CALN1: variants seen among roughly 807,000 people sequenced by gnomAD.
CALN1 encodes calneuron 1, also known as calcium-binding protein 8.
A neutral mutation model predicts 30.6 loss-of-function variants in CALN1; 17 were observed. The ratio of observed to expected loss-of-function variants is 0.56; its 90% CI spans 0.38 to 0.83. The LOEUF (loss-of-function observed/expected upper bound fraction) is 0.83. CALN1 is among the 40% of genes least tolerant of loss of function. The pLI is 0.00. For missense variants in CALN1, 291 were observed against 354.9 expected, an observed-to-expected ratio of 0.82 and a Z score of 1.45; for synonymous variants, 156 against 131.4, an observed-to-expected ratio of 1.19 and a Z score of -1.28.
intron 5 of CALN1, among the ~76,000 whole-genome samples, chr7:71,865,231 ACATTAC>A (rs1791519498): frequency 6.6e-6 from 1 of 152,066 alleles, no homozygotes; most frequent in East Asian, 1.9e-4. Flanking sequence ...TCATGGTTTA[ACATTAC>A]CCCCTTGGTG....
At chr7:72,301,181 A>G (rs914583067) in intron 2 of CALN1, among the ~76,000 whole-genome samples, 1 of 152,140 alleles carries the variant, frequency 6.6e-6, no homozygotes, top group African/African-American at 2.4e-5. Context: ...AAGCGCTGAG[A>G]GCACACAGAG....
chr7:72,370,605 C>T (rs565550739), intron 2 of CALN1, among the ~76,000 whole-genome samples: 51 of 149,264 alleles, frequency 3.4e-4, no homozygotes, highest in African/African-American at 1.2e-3. Context: ...AAGGGTGAGC[C>T]GAGATCACGC....
intron 3 of CALN1, among the ~76,000 whole-genome samples, chr7:72,178,165 C>T (rs563936687): frequency 2.0e-5 from 3 of 152,204 alleles, no homozygotes; most frequent in South Asian, 4.1e-4. Flanking sequence ...ATGTGTATTG[C>T]ATAAAGGAAT....
chr7:72,458,272 T>C, the CALN1 span, among the ~76,000 whole-genome samples: 1 of 66,410 alleles, frequency 1.5e-5, no homozygotes. Flanking sequence ...TATTCTATAT[T>C]ATATAATATA....
chr7:72,229,046 TGGG>T (rs1793893795), intron 3 of CALN1, among the ~76,000 whole-genome samples: 1 of 151,428 alleles, frequency 6.6e-6, no homozygotes, highest in African/African-American at 2.4e-5. Context: ...ATTACAGGTA[TGGG>T]CCACCACACC....
intron 5 of CALN1, among the ~76,000 whole-genome samples, chr7:71,922,624 T>C (rs1795013801): frequency 1.4e-5 from 2 of 138,238 alleles, no homozygotes; most frequent in Admixed American, 1.5e-4. Flanking sequence ...GAATATATTA[T>C]ATATAAATAT....
intron 3 of CALN1, among the ~76,000 whole-genome samples, chr7:72,214,571 T>C (rs545355009): frequency 2.6e-5 from 4 of 152,172 alleles, no homozygotes; most frequent in African/African-American, 9.6e-5. Flanking sequence ...TGAGCTATGA[T>C]TGCACCACTG....
chr7:71,841,876 G>A (rs1294040745), intron 5 of CALN1, among the ~76,000 whole-genome samples: 1 of 151,862 alleles, frequency 6.6e-6, no homozygotes, highest in African/African-American at 2.4e-5. Flanking sequence ...GGGGACAAGG[G>A]CTTAAAGACT....
intron 2 of CALN1, among the ~76,000 whole-genome samples, chr7:72,330,442 T>TG (rs1227862697): frequency 1.6e-5 from 2 of 127,676 alleles, no homozygotes; most frequent in Non-Finnish European, 3.1e-5. Flanking sequence ...CACTCCAGCC[T>TG]GGGCAACAGA....
At chr7:72,442,896 G>C (rs1178708245) in intron 1 of CALN1, among the ~76,000 whole-genome samples, 1 of 152,088 alleles carries the variant, frequency 6.6e-6, no homozygotes, top group African/African-American at 2.4e-5. Flanking sequence ...ATTAAGGGTT[G>C]TGCTTATTTA....
chr7:71,864,124 T>C (rs930030655), intron 5 of CALN1, among the ~76,000 whole-genome samples: 20 of 152,228 alleles, frequency 1.3e-4, no homozygotes, highest in Non-Finnish European at 2.8e-4. Context: ...AAATAGCTTC[T>C]TATTGCAAAT....
chr7:72,338,487 G>A (rs1327277847), intron 2 of CALN1, among the ~76,000 whole-genome samples: 2 of 133,128 alleles, frequency 1.5e-5, no homozygotes, highest in Non-Finnish European at 3.2e-5. Context: ...GTGTGTGTGT[G>A]TGTGTGTGTG....
At chr7:71,988,363 C>T (rs550893871) in intron 5 of CALN1, among the ~76,000 whole-genome samples, 9 of 152,222 alleles carry the variant, frequency 5.9e-5, no homozygotes, top group Admixed American at 3.3e-4. Context: ...AACACCATAT[C>T]GTATCTCCAA....
At chr7:71,847,063 G>T (rs1004770914) in intron 5 of CALN1, among the ~76,000 whole-genome samples, 7 of 151,550 alleles carry the variant, frequency 4.6e-5, no homozygotes, top group African/African-American at 1.2e-4. Flanking sequence ...GCAAGCTAGA[G>T]ACCCAAGAGA....
chr7:71,859,636 T>C (rs951849696), intron 5 of CALN1, among the ~76,000 whole-genome samples: 3 of 152,182 alleles, frequency 2.0e-5, no homozygotes, highest in African/African-American at 2.4e-5. Context: ...AAAGAATCTA[T>C]AGCAATGAAG....
intron 4 of CALN1, among the ~76,000 whole-genome samples, chr7:72,028,376 G>A (rs1182909546): frequency 6.6e-6 from 1 of 152,184 alleles, no homozygotes; most frequent in African/African-American, 2.4e-5. Context: ...CACAGTACCA[G>A]GCAGTGCTCA....
intron 4 of CALN1, among the ~76,000 whole-genome samples, chr7:72,024,295 G>A (rs1177779363): frequency 1.3e-5 from 2 of 152,314 alleles, no homozygotes; most frequent in East Asian, 3.9e-4. Context: ...ATTCTGTTAT[G>A]AGTAGCACGG....
In CALN1 at chr7:71,780,027, C is replaced by A. The variant is rs765861367; in HGVS notation, c.*7748G>T. 1.3e-5 allele frequency: 2 copies of A among 152,164 alleles called. No individual in the cohort carries two copies. Among genetic ancestry groups the A allele is most frequent in the Non-Finnish European group, 2.9e-5 (2 of 68,040 alleles). 9.4% of individuals were successfully genotyped at this position (152,164 alleles called of 1,614,324 possible). A position where few individuals can be genotyped will look rare whatever the true frequency, so the allele number is the denominator to read the frequency against. On this transcript the variant is annotated 3_prime_UTR_variant, in exon 7 of 7. Coordinates refer to ENST00000395275, the MANE Select transcript of CALN1 (RefSeq NM_031468.4). ...CTAATGACCGCTACGATCACAGCGACCCCTCCTCCCCATCCAACAGTTGAC... is the reference window on the plus strand; with the variant it reads ...CTAATGACCGCTACGATCACAGCGAACCCTCCTCCCCATCCAACAGTTGAC...
chr7:72,451,176 GAGC>G (rs1808648610), upstream of CALN1, among the ~76,000 whole-genome samples: 1 of 138,824 alleles, frequency 7.2e-6, no homozygotes, highest in African/African-American at 3.1e-5. Context: ...GGAGGAGGAG[GAGC>G]AGGAGGAGGA....
Sources: allele counts gnomAD v4.1 joint callset (sites outside exome capture counted in the v4.1 genomes callset), GRCh38; gene constraint gnomAD v4.1.1; transcripts MANE v1.5; gene names NCBI Gene and HGNC (gene_info 2026-07-23, HGNC 2026-07-21).